The following PPM1E variants were observed in gnomAD, a reference collection of about 807,000 sequenced individuals.
PPM1E encodes the protein protein phosphatase, Mg2+/Mn2+ dependent 1E.
In PPM1E, 20 loss-of-function variants were observed where a neutral mutation model predicts 65.9. That is an observed-to-expected ratio of 0.30 (90% CI 0.21 to 0.44). The LOEUF (loss-of-function observed/expected upper bound fraction) is 0.44. Among genes scored for constraint, PPM1E ranks in the 20% least tolerant of loss-of-function variants. The pLI is 1.00. For missense variants in PPM1E, 713 were observed against 953.1 expected (o/e 0.75, Z 3.32); for synonymous variants, 352 against 374.9 (o/e 0.94, Z 0.70).
intron 1 of PPM1E, among the ~76,000 whole-genome samples, chr17:58,851,123 C>T (rs1005297394): frequency 6.6e-6 from 1 of 152,130 alleles, no homozygotes; most frequent in Non-Finnish European, 1.5e-5. Context: ...TTTTCAGCTC[C>T]ATCAGGTCAT....
At chr17:58,950,309 G>A (rs542296932) in intron 1 of PPM1E, among the ~76,000 whole-genome samples, 47 of 152,186 alleles carry the variant, frequency 3.1e-4, no homozygotes, top group East Asian at 9.7e-4. Flanking sequence ...GCAGTGAGCC[G>A]AAAATTGCAC....
intron 1 of PPM1E, among the ~76,000 whole-genome samples, chr17:58,948,993 G>A (rs1160716137): frequency 6.6e-6 from 1 of 152,150 alleles, no homozygotes; most frequent in Non-Finnish European, 1.5e-5. Flanking sequence ...GCAGCTGTTG[G>A]GTGAAATGTT....
At chr17:58,956,366 G>T (rs886505200) in intron 2 of PPM1E, among the ~76,000 whole-genome samples, 58 of 151,908 alleles carry the variant, frequency 3.8e-4, no homozygotes, top group Admixed American at 3.7e-3. Context: ...AACCCAGGAG[G>T]TGGAGGTTAC....
At chr17:58,837,146 A>G (rs538389033) in intron 1 of PPM1E, among the ~76,000 whole-genome samples, 161 of 150,088 alleles carry the variant, frequency 1.1e-3, no homozygotes, top group Non-Finnish European at 1.9e-3. Flanking sequence ...AGAGGCTGAG[A>G]TGGGAGGATC....
rs866395060 is a variant in PPM1E, at chr17:58,760,359, C to T, written c.464+3898C>T. On this transcript the variant is annotated intron_variant, in intron 1 of 6. Coordinates refer to ENST00000308249, the MANE Select transcript of PPM1E (RefSeq NM_014906.5). ...GAATTCAGTCCTCCAACCCTCTTTA[C>T]GGCCCCCAAAACAAACAAAACCAAA... Among the ~76,000 whole-genome samples, 3 of 152,184 alleles carry T rather than the reference C, an allele frequency of 2.0e-5. No individual in the cohort carries two copies. The East Asian group carries it at 5.8e-4, about 29-fold the overall frequency.
intron 1 of PPM1E, among the ~76,000 whole-genome samples, chr17:58,912,687 G>GC (rs1219744625): frequency 6.6e-6 from 1 of 152,190 alleles, no homozygotes; most frequent in Admixed American, 6.5e-5. Flanking sequence ...ACGAATGATG[G>GC]CTGGTGGCTC....
chr17:58,804,497 T>C (rs569194238), intron 1 of PPM1E, among the ~76,000 whole-genome samples: 1 of 152,172 alleles, frequency 6.6e-6, no homozygotes, highest in Non-Finnish European at 1.5e-5. Context: ...CATACACTTT[T>C]GGAAGACATG....
At chr17:58,885,262 G>C (rs2051252071) in intron 1 of PPM1E, among the ~76,000 whole-genome samples, 1 of 152,048 alleles carries the variant, frequency 6.6e-6, no homozygotes, top group African/African-American at 2.4e-5. Context: ...TCACCATGTT[G>C]GCCAGGCTGG....
At chr17:58,846,368 C>G (rs2050771372) in intron 1 of PPM1E, among the ~76,000 whole-genome samples, 2 of 152,098 alleles carry the variant, frequency 1.3e-5, no homozygotes. Flanking sequence ...GTGCTGCACC[C>G]ATTAACTCGT....
At chr17:58,933,237 G>C (rs945066058) in intron 1 of PPM1E, among the ~76,000 whole-genome samples, 12 of 152,156 alleles carry the variant, frequency 7.9e-5, no homozygotes, top group African/African-American at 2.9e-4. Flanking sequence ...TTAGTCTGCT[G>C]TTCAGCAGTT....
rs528167598 is a variant in PPM1E at position 58,935,821 on chromosome 17, A to T, written c.465-19828A>T. On this transcript the variant is annotated intron_variant, in intron 1 of 6. Coordinates refer to ENST00000308249, the MANE Select transcript of PPM1E (RefSeq NM_014906.5). ...AGGGAATGAGATTTCTTTTTTTTTT[A>T]AATTTTATTATTATTATACTTTAAG... is the stretch of plus-strand genomic sequence containing the variant. 8.3e-4 allele frequency among the ~76,000 whole-genome samples: 126 copies of T among 151,416 alleles called. 1 individual carries two copies. The highest frequency in any genetic ancestry group is 1.7e-3 in the East Asian group (9 of 5,164).
At chr17:58,826,491 G>A (rs2050538110) in intron 1 of PPM1E, among the ~76,000 whole-genome samples, 1 of 152,022 alleles carries the variant, frequency 6.6e-6, no homozygotes, top group Admixed American at 6.6e-5. Flanking sequence ...CTATATTGAA[G>A]CAAGAGGTAC....
intron 1 of PPM1E, among the ~76,000 whole-genome samples, chr17:58,933,988 C>T (rs953755960): frequency 3.4e-5 from 5 of 149,018 alleles, no homozygotes; most frequent in African/African-American, 7.4e-5. Context: ...CCAGCTACTT[C>T]GGAGGCTGAC....
intron 1 of PPM1E, among the ~76,000 whole-genome samples, chr17:58,943,819 C>T (rs1406257470): frequency 6.6e-6 from 1 of 152,054 alleles, no homozygotes; most frequent in Non-Finnish European, 1.5e-5. Flanking sequence ...ATTGAGAAGC[C>T]CTTCTTTAGA....
chr17:58,919,713 G>A (rs1250132952), intron 1 of PPM1E, among the ~76,000 whole-genome samples: 2 of 150,018 alleles, frequency 1.3e-5, no homozygotes, highest in Non-Finnish European at 3.0e-5. Flanking sequence ...CTTGAACCAG[G>A]GAGGGGGAGG....
intron 1 of PPM1E, among the ~76,000 whole-genome samples, chr17:58,882,988 C>G (rs1229129486): frequency 1.0e-5 from 1 of 95,460 alleles, no homozygotes; most frequent in South Asian, 3.4e-4. Flanking sequence ...GAGTTTTGCT[C>G]TTGTCACCCA....
chr17:58,806,723 G>A (rs907589114), intron 1 of PPM1E, among the ~76,000 whole-genome samples: 1 of 127,694 alleles, frequency 7.8e-6, no homozygotes, highest in Non-Finnish European at 1.7e-5. Context: ...TTTTTGAAAT[G>A]GAGTCTCCCT....
intron 1 of PPM1E, among the ~76,000 whole-genome samples, chr17:58,904,024 G>A (rs565567172): frequency 5.5e-4 from 83 of 152,202 alleles, no homozygotes; most frequent in Non-Finnish European, 1.0e-3. Context: ...AAAAGAGCCA[G>A]AAATTATTAT....
intron 1 of PPM1E, among the ~76,000 whole-genome samples, chr17:58,818,912 A>G (rs1362919052): frequency 1.3e-5 from 2 of 152,210 alleles, no homozygotes; most frequent in Admixed American, 1.3e-4. Context: ...CTAAGGTGGA[A>G]GGATCACCTG....
Sources: allele counts gnomAD v4.1 joint callset (sites outside exome capture counted in the v4.1 genomes callset), GRCh38; gene constraint gnomAD v4.1.1; transcripts MANE v1.5; gene names NCBI Gene and HGNC (gene_info 2026-07-23, HGNC 2026-07-21).